The following DPH6 variants were observed in gnomAD, a reference collection of about 807,000 sequenced individuals.
DPH6 encodes diphthamine biosynthesis 6, also known as diphthine--ammonia ligase.
A neutral mutation model predicts 38.2 loss-of-function variants in DPH6; 33 were observed. The ratio of observed to expected loss-of-function variants is 0.86; its 90% CI spans 0.65 to 1.15. The LOEUF (loss-of-function observed/expected upper bound fraction) is 1.15. Among genes scored for constraint, DPH6 ranks in the 50% most tolerant of loss-of-function variants. The pLI, the probability that DPH6 is intolerant of heterozygous loss-of-function variation, is 0.00. For missense variants in DPH6, 325 were observed against 320.0 expected, an observed-to-expected ratio of 1.02 and a Z score of -0.12; for synonymous variants, 108 against 103.0, an observed-to-expected ratio of 1.05 and a Z score of -0.30.
the DPH6 span, among the ~76,000 whole-genome samples, chr15:35,198,858 T>C: frequency 6.6e-6 from 1 of 152,176 alleles, no homozygotes; most frequent in African/African-American, 2.4e-5. Flanking sequence ...TTCCTATAAA[T>C]AGTAACACTT....
intron 3 of DPH6, among the ~76,000 whole-genome samples, chr15:35,311,143 T>C (rs1346036729): frequency 1.3e-5 from 2 of 151,740 alleles, no homozygotes; most frequent in Admixed American, 6.6e-5. Context: ...AGAATTATTA[T>C]TGAGCGGAGA....
chr15:35,178,950 T>G, the DPH6 span, among the ~76,000 whole-genome samples: 1 of 152,122 alleles, frequency 6.6e-6, no homozygotes, highest in Admixed American at 6.6e-5. Flanking sequence ...CTCACACTTG[T>G]AATCTCAGCA....
chr15:35,240,332 C>T (rs1269655619), intron 3 of DPH6, among the ~76,000 whole-genome samples: 3 of 143,056 alleles, frequency 2.1e-5, no homozygotes, highest in South Asian at 2.4e-4. Context: ...GTCTCTGTGC[C>T]CAGTGCAACT....
intron 5 of DPH6, among the ~76,000 whole-genome samples, chr15:35,430,659 T>C (rs1291163269): frequency 2.0e-5 from 3 of 152,198 alleles, no homozygotes; most frequent in African/African-American, 7.2e-5. Context: ...ATTATAATTA[T>C]GTTTTCAACT....
chr15:35,521,753 G>C, intron 3 of DPH6: 1 of 1,232,284 alleles, frequency 8.1e-7, no homozygotes, highest in Non-Finnish European at 1.0e-6. Context: ...GTGAGCAATA[G>C]CTGCTAAAAG....
At chr15:35,504,996 C>G (rs1482526968) in intron 3 of DPH6, among the ~76,000 whole-genome samples, 1 of 152,082 alleles carries the variant, frequency 6.6e-6, no homozygotes, top group Admixed American at 6.6e-5. Flanking sequence ...CCACATGAAC[C>G]AAACAGTGAA....
chr15:35,408,102 G>A (rs1000769330), intron 6 of DPH6, among the ~76,000 whole-genome samples: 18 of 151,902 alleles, frequency 1.2e-4, no homozygotes, highest in Non-Finnish European at 2.1e-4. Context: ...ACAGTGAGAA[G>A]TGCTTGGATT....
chr15:35,508,481 T>C (rs2054725800), intron 3 of DPH6, among the ~76,000 whole-genome samples: 1 of 152,166 alleles, frequency 6.6e-6, no homozygotes, highest in South Asian at 2.1e-4. Flanking sequence ...ACTTCATCTA[T>C]TCAAAAAACC....
intron 3 of DPH6, among the ~76,000 whole-genome samples, chr15:35,510,762 T>C (rs1176851138): frequency 2.0e-5 from 3 of 152,190 alleles, no homozygotes; most frequent in Non-Finnish European, 2.9e-5. Context: ...CTACACTAAG[T>C]AGCAAACTAA....
At chr15:35,523,498 C>T (rs905897944) in intron 3 of DPH6, among the ~76,000 whole-genome samples, 13 of 151,736 alleles carry the variant, frequency 8.6e-5, no homozygotes, top group African/African-American at 3.1e-4. Context: ...TATTATAGAA[C>T]AAGACTTCCC....
chr15:35,183,075 G>A, the DPH6 span, among the ~76,000 whole-genome samples: 2 of 152,276 alleles, frequency 1.3e-5, no homozygotes, highest in South Asian at 4.1e-4. Context: ...TTGATATTAA[G>A]TAACCATATC....
chr15:35,371,842 T>A lies in DPH6; in HGVS notation c.*308A>T. ...AGAGAAGGAGGAAAAGAAACTAGTG[T>A]GATAAAAAAAGAAATGCTACAGAAA... On this transcript the variant is annotated 3_prime_UTR_variant, in exon 9 of 9. Transcript: ENST00000256538. 1 of 1,045,116 alleles carries A rather than the reference T, an allele frequency of 9.6e-7. No homozygotes were observed. The highest frequency in any genetic ancestry group is 1.2e-6 in the Non-Finnish European group (1 of 869,160). 64.7% of individuals were successfully genotyped at this position (1,045,116 alleles called of 1,614,324 possible). A position where few individuals can be genotyped will look rare whatever the true frequency, so the allele number is the denominator to read the frequency against.
intron 3 of DPH6, among the ~76,000 whole-genome samples, chr15:35,251,490 G>A (rs188969015): frequency 2.8e-4 from 43 of 152,012 alleles, no homozygotes; most frequent in African/African-American, 9.4e-4. Context: ...TTCTCTGCTC[G>A]CTTTGTGGTC....
At chr15:35,545,431 CA>C (rs1239376733) in intron 1 of DPH6, among the ~76,000 whole-genome samples, 2 of 152,196 alleles carry the variant, frequency 1.3e-5, no homozygotes, top group Non-Finnish European at 1.5e-5. Flanking sequence ...CACTCTAAAG[CA>C]ATGATGAGAG....
intron 3 of DPH6, among the ~76,000 whole-genome samples, chr15:35,525,779 G>A (rs2141246159): frequency 6.6e-6 from 1 of 152,226 alleles, no homozygotes; most frequent in Admixed American, 6.5e-5. Context: ...GTTCAAGGGT[G>A]CAGTGAGCCA....
At chr15:35,397,575 A>C (rs544601042) in intron 6 of DPH6, among the ~76,000 whole-genome samples, 1 of 152,278 alleles carries the variant, frequency 6.6e-6, no homozygotes, top group East Asian at 1.9e-4. Flanking sequence ...TGTGGCCAGC[A>C]ATGGGGAATG....
chr15:35,459,329 G>C (rs2054034434), intron 3 of DPH6, among the ~76,000 whole-genome samples: 1 of 152,014 alleles, frequency 6.6e-6, no homozygotes, highest in Middle Eastern at 3.2e-3. Context: ...ACTCCTTTCT[G>C]GTGTCTTTTC....
intron 3 of DPH6, chr15:35,282,568 T>C: frequency 6.5e-6 from 2 of 308,594 alleles, no homozygotes; most frequent in Admixed American, 3.5e-5. Context: ...ACCCTTCAGA[T>C]CTCAATGAGG....
chr15:35,299,556 C>T (rs951107483), intron 3 of DPH6: 6 of 500,010 alleles, frequency 1.2e-5, no homozygotes, highest in Admixed American at 1.2e-4. Flanking sequence ...GCTGAGTCCG[C>T]GGGGCGCTGG....
Sources: allele counts gnomAD v4.1 joint callset (sites outside exome capture counted in the v4.1 genomes callset), GRCh38; gene constraint gnomAD v4.1.1; transcripts MANE v1.5; gene names NCBI Gene and HGNC (gene_info 2026-07-23, HGNC 2026-07-21).